The following SLC35F2 variants were observed in gnomAD, a reference collection of about 807,000 sequenced individuals.
The protein encoded by SLC35F2 is solute carrier family 35 member F2.
Under a neutral mutation model 38.1 loss-of-function variants are expected in SLC35F2, and 25 were observed. The ratio of observed to expected loss-of-function variants is 0.66; its 90% CI spans 0.48 to 0.92. The LOEUF (loss-of-function observed/expected upper bound fraction) is 0.92. Ranked by LOEUF, SLC35F2 falls within the 40% of genes least tolerant of loss-of-function variation. SLC35F2 has a pLI of 0.00. For synonymous variants in SLC35F2, 173 were observed against 181.7 expected (o/e 0.95, Z 0.38); for missense variants, 409 against 452.9 (o/e 0.90, Z 0.88).
intron 4 of SLC35F2, 120 bp downstream of exon 4, chr11:107,806,584 GTGGCAAAGTGTTC>G: frequency 1.3e-6 from 1 of 777,014 alleles, no homozygotes; most frequent in South Asian, 1.5e-5. Flanking sequence ...AACACAAAGT[GTGGCAAAGTGTTC>G]TCACCTACAC....
chr11:107,812,751 T>A (rs1245450406), intron 2 of SLC35F2, among the ~76,000 whole-genome samples: 1 of 152,192 alleles, frequency 6.6e-6, no homozygotes, highest in East Asian at 1.9e-4. Context: ...GATATGAGCT[T>A]GTATGTCGCC....
At chr11:107,796,627 A>C (rs1591183043) in intron 7 of SLC35F2, among the ~76,000 whole-genome samples, 1 of 152,050 alleles carries the variant, frequency 6.6e-6, no homozygotes. Flanking sequence ...GCTGTGGAGG[A>C]TGTGTGGATT....
intron 1 of SLC35F2, among the ~76,000 whole-genome samples, chr11:107,819,239 C>A (rs1287844746): frequency 6.6e-6 from 1 of 152,164 alleles, no homozygotes; most frequent in Non-Finnish European, 1.5e-5. Context: ...TGAGCATCTT[C>A]AGTTTCGTTT....
intron 2 of SLC35F2, among the ~76,000 whole-genome samples, chr11:107,814,242 CAGAT>C (rs1188946168): frequency 6.6e-6 from 1 of 151,994 alleles, no homozygotes; most frequent in Non-Finnish European, 1.5e-5. Flanking sequence ...CCGAGGCAGA[CAGAT>C]CACGTAAGGT....
chr11:107,835,154 G>A (rs1482413497), intron 1 of SLC35F2, among the ~76,000 whole-genome samples: 1 of 152,208 alleles, frequency 6.6e-6, no homozygotes, highest in African/African-American at 2.4e-5. Context: ...ACAGAAAAGC[G>A]TGGAGCAAGA....
chr11:107,797,458 T>C (rs1859237817), intron 7 of SLC35F2, among the ~76,000 whole-genome samples: 1 of 151,944 alleles, frequency 6.6e-6, no homozygotes, highest in African/African-American at 2.4e-5. Context: ...GAGGCTAAGG[T>C]GGGAGGATCA....
chr11:107,809,743 C>G (rs1380724735), intron 3 of SLC35F2: 1 of 979,664 alleles, frequency 1.0e-6, no homozygotes, highest in African/African-American at 1.8e-5. Context: ...AGTACTAAGA[C>G]AGACCCTGCG....
intron 1 of SLC35F2, among the ~76,000 whole-genome samples, chr11:107,829,960 C>A (rs933394633): frequency 6.6e-6 from 1 of 152,098 alleles, no homozygotes; most frequent in African/African-American, 2.4e-5. Context: ...ATATTCATCA[C>A]TACTCCAAAA....
chr11:107,854,431 C>T (rs571502920), intron 1 of SLC35F2, among the ~76,000 whole-genome samples: 2 of 134,044 alleles, frequency 1.5e-5, no homozygotes, highest in Non-Finnish European at 3.2e-5. Context: ...GAGCCTGTCT[C>T]AAAAAATGAT....
intron 1 of SLC35F2, among the ~76,000 whole-genome samples, chr11:107,822,905 C>T (rs1028659201): frequency 1.2e-4 from 18 of 151,952 alleles, no homozygotes; most frequent in Non-Finnish European, 4.4e-5. Flanking sequence ...GGCCATAATA[C>T]AAGTTTGTGC....
intron 1 of SLC35F2, among the ~76,000 whole-genome samples, chr11:107,849,954 G>T (rs780820692): frequency 4.6e-4 from 70 of 152,156 alleles, no homozygotes; most frequent in Non-Finnish European, 9.3e-4. Flanking sequence ...CCAGTGTTGA[G>T]AAATTAATAA....
chr11:107,849,871 T>C, intron 1 of SLC35F2, among the ~76,000 whole-genome samples: 1 of 152,146 alleles, frequency 6.6e-6, no homozygotes, highest in Non-Finnish European at 1.5e-5. Flanking sequence ...GTGGAGGGCA[T>C]GCTGGAGAAA....
intron 1 of SLC35F2, among the ~76,000 whole-genome samples, chr11:107,830,600 G>GAAA (rs1859824322): frequency 8.5e-6 from 1 of 118,124 alleles, no homozygotes; most frequent in Non-Finnish European, 1.8e-5. Flanking sequence ...AAAAAAAAAA[G>GAAA]AAAAGAAAAA....
rs1276162843 is a variant in SLC35F2, at chr11:107,858,733, G to C, written c.35C>G (p.Pro12Arg). The C allele has an allele frequency of 1.6e-6, 2 of 1,284,918 alleles. No individual in the cohort carries two copies. The highest frequency in any genetic ancestry group is 2.0e-6 in the Non-Finnish European group (2 of 1,008,228). The allele number at this position is 1,284,918 out of a possible 1,614,324, so 79.6% of individuals were successfully genotyped here. A position where few individuals can be genotyped will look rare whatever the true frequency, so the allele number is the denominator to read the frequency against. The change falls in exon 1 of 8, where the codon CCA becomes CGA. Residue 12 changes from proline (P) to arginine (R), a missense_variant. By Grantham distance (103) the Pro-to-Arg change is moderately radical. Coordinates refer to ENST00000525815, the MANE Select transcript of SLC35F2 (RefSeq NM_017515.5). ...EADSPAGPGA[P>R]EPLAEGAAAE... ...CGCCGCTCCCTCCGCGAGGGGCTCT[G>C]GGGCGCCGGGGCCCGCTGGCGAGTC...
At chr11:107,856,105 C>CAAAAAAA (rs1229189240) in intron 1 of SLC35F2, among the ~76,000 whole-genome samples, 1 of 95,676 alleles carries the variant, frequency 1.0e-5, no homozygotes, top group Non-Finnish European at 2.2e-5. Context: ...AACTCTGTCT[C>CAAAAAAA]AAAAAAAAAA....
chr11:107,799,345 C>G (rs979713870), intron 7 of SLC35F2, among the ~76,000 whole-genome samples: 9 of 152,122 alleles, frequency 5.9e-5, no homozygotes, highest in Non-Finnish European at 1.0e-4. Context: ...CAAAAAATGA[C>G]ATAAGAAAGG....
At chr11:107,802,242 A>AAAAAAAATAAATAAATAAATAAATAAAT (rs559048077) in intron 7 of SLC35F2, among the ~76,000 whole-genome samples, 50 of 147,980 alleles carry the variant, frequency 3.4e-4, no homozygotes, top group African/African-American at 1.2e-3. Context: ...CATCTCAAAA[A>AAAAAAAATAAATAAATAAATAAATAAAT]AAATAAATAA....
At chr11:107,812,702 TA>T (rs1438886728) in intron 2 of SLC35F2, among the ~76,000 whole-genome samples, 2 of 152,202 alleles carry the variant, frequency 1.3e-5, no homozygotes, top group African/African-American at 4.8e-5. Flanking sequence ...AGTTTTTTTT[TA>T]AAATCCCTTT....
At chr11:107,806,389 T>C (rs1859389791) in intron 4 of SLC35F2, among the ~76,000 whole-genome samples, 1 of 152,264 alleles carries the variant, frequency 6.6e-6, no homozygotes, top group Non-Finnish European at 1.5e-5. Flanking sequence ...CTATCAACTA[T>C]AATTTTCTCT....
Sources: gnomAD v4.1 joint callset for allele counts (sites outside exome capture counted in the v4.1 genomes callset) on GRCh38, gnomAD v4.1.1 for gene constraint, MANE v1.5 for transcripts, NCBI Gene and HGNC (gene_info 2026-07-23, HGNC 2026-07-21) for gene names.